THSD4: variants seen among roughly 807,000 people sequenced by gnomAD.
THSD4 encodes thrombospondin type 1 domain containing 4.
In THSD4, 69 loss-of-function variants were observed where a neutral mutation model predicts 119.0. That is an observed-to-expected ratio of 0.58 (90% CI 0.48 to 0.71). The LOEUF is 0.71. THSD4 is among the 30% of genes least tolerant of loss of function. The pLI is 0.00. For synonymous variants in THSD4, 524 were observed against 540.4 expected (o/e 0.97, Z 0.42); for missense variants, 1,393 against 1,391.1 (o/e 1.00, Z -0.02).
chr15:71,548,017 T>C (rs2048866166), intron 7 of THSD4, among the ~76,000 whole-genome samples: 1 of 152,114 alleles, frequency 6.6e-6, no homozygotes, highest in South Asian at 2.1e-4. Flanking sequence ...TACCCAGATG[T>C]ACCTTAGCAG....
At chr15:71,235,221 A>G (rs564365604) in intron 4 of THSD4, among the ~76,000 whole-genome samples, 25 of 152,306 alleles carry the variant, frequency 1.6e-4, no homozygotes, top group Admixed American at 7.8e-4. Flanking sequence ...CCTCAGATGC[A>G]GCATCCTCAC....
intron 7 of THSD4, among the ~76,000 whole-genome samples, chr15:71,494,841 T>TA (rs2047985759): frequency 1.3e-5 from 2 of 152,148 alleles, no homozygotes; most frequent in Non-Finnish European, 1.5e-5. Context: ...GCAGGAGAAA[T>TA]AAAATACCCT....
At chr15:71,528,316 C>A (rs1466990378) in intron 7 of THSD4, among the ~76,000 whole-genome samples, 1 of 152,026 alleles carries the variant, frequency 6.6e-6, no homozygotes, top group Non-Finnish European at 1.5e-5. Context: ...GAGTCATGGC[C>A]CTTAAGAACA....
At chr15:71,308,185 A>G (rs542561668) in intron 6 of THSD4, among the ~76,000 whole-genome samples, 3 of 152,340 alleles carry the variant, frequency 2.0e-5, no homozygotes, top group East Asian at 3.9e-4. Context: ...CCAAGGACCC[A>G]GAGGTTACCT....
At chr15:71,686,286 A>G (rs16956073) in intron 8 of THSD4, among the ~76,000 whole-genome samples, 30,391 of 152,160 alleles carry the variant, frequency 0.2, 3,621 homozygotes, top group African/African-American at 0.34. Context: ...TGAGATTTAC[A>G]TGCTTAACTG....
At chr15:71,746,336 A>G (rs993438056) in intron 12 of THSD4, among the ~76,000 whole-genome samples, 1 of 152,180 alleles carries the variant, frequency 6.6e-6, no homozygotes, top group African/African-American at 2.4e-5. Flanking sequence ...GTCAAGTGTC[A>G]GGCAAATTTA....
At position 71,604,230 on chromosome 15, in the gene THSD4, G is replaced by T. The variant is rs117550954; in HGVS notation, c.1153-56300G>T. Among the ~76,000 whole-genome samples, 1,063 of 152,320 alleles carry T rather than the reference G, an allele frequency of 7.0e-3. 10 individuals are homozygous for T. The highest frequency in any genetic ancestry group is 0.024 in the Middle Eastern group (7 of 294). ...CTGCCCAGACCCTCAGCCCAGACAG[G>T]TGCAGCCTTTTTCTTCCTCCCACTT... On this transcript the variant is annotated intron_variant, in intron 7 of 17. Coordinates refer to ENST00000261862, the MANE Select transcript of THSD4 (RefSeq NM_024817.3).
intron 7 of THSD4, among the ~76,000 whole-genome samples, chr15:71,569,215 G>A (rs1054421318): frequency 6.6e-6 from 1 of 152,188 alleles, no homozygotes; most frequent in Non-Finnish European, 1.5e-5. Flanking sequence ...ATGGATGTGA[G>A]TGCTGACCCA....
At chr15:71,440,356 G>A (rs1284175554) in intron 7 of THSD4, among the ~76,000 whole-genome samples, 1 of 152,018 alleles carries the variant, frequency 6.6e-6, no homozygotes, top group Admixed American at 6.6e-5. Context: ...GTTTCTAAAG[G>A]CCTAATTTAA....
intron 7 of THSD4, among the ~76,000 whole-genome samples, chr15:71,595,119 C>A (rs1269575963): frequency 6.6e-6 from 1 of 152,202 alleles, no homozygotes; most frequent in Non-Finnish European, 1.5e-5. Flanking sequence ...ATGAGCTTCT[C>A]TCTTTAATCA....
At chr15:71,300,141 C>A (rs1250426686) in intron 6 of THSD4, among the ~76,000 whole-genome samples, 1 of 150,984 alleles carries the variant, frequency 6.6e-6, no homozygotes, top group African/African-American at 2.4e-5. Flanking sequence ...AGAGCAAGAC[C>A]TTGTCTCTTA....
chr15:71,128,958 G>A (rs545966677), intron 1 of THSD4, among the ~76,000 whole-genome samples: 2 of 152,280 alleles, frequency 1.3e-5, no homozygotes, highest in Admixed American at 1.3e-4. Flanking sequence ...TCTGGATGAT[G>A]GTTTAGATGA....
chr15:71,571,325 C>A (rs926261258), intron 7 of THSD4, among the ~76,000 whole-genome samples: 1 of 151,982 alleles, frequency 6.6e-6, no homozygotes, highest in African/African-American at 2.4e-5. Context: ...GGGTAGAATG[C>A]CGCATGCTCG....
chr15:71,239,268 C>T (rs2044131966), intron 4 of THSD4, among the ~76,000 whole-genome samples: 1 of 152,154 alleles, frequency 6.6e-6, no homozygotes, highest in Admixed American at 6.5e-5. Flanking sequence ...TAGGGTGCAA[C>T]ATTTAAGAAG....
intron 6 of THSD4, among the ~76,000 whole-genome samples, chr15:71,323,124 G>A (rs540618286): frequency 6.2e-5 from 9 of 144,204 alleles, no homozygotes; most frequent in African/African-American, 1.8e-4. Flanking sequence ...AAAAAAGATC[G>A]TAGTCTTCTA....
chr15:71,118,596 A>G (rs990637678), intron 1 of THSD4, among the ~76,000 whole-genome samples: 3 of 136,178 alleles, frequency 2.2e-5, no homozygotes, highest in Admixed American at 7.1e-5. Context: ...AAAGCACATG[A>G]CTATTTGCCT....
At chr15:71,726,962 C>CT (rs2052853154) in intron 8 of THSD4, among the ~76,000 whole-genome samples, 1 of 151,684 alleles carries the variant, frequency 6.6e-6, no homozygotes, top group South Asian at 2.1e-4. Flanking sequence ...GGTACCTTCT[C>CT]TAAACCAGTC....
chr15:71,105,937 G>T (rs2040272693), intron 1 of THSD4, among the ~76,000 whole-genome samples: 1 of 152,172 alleles, frequency 6.6e-6, no homozygotes, highest in Admixed American at 6.5e-5. Flanking sequence ...TGATTGGGAA[G>T]ATGATAGCTC....
chr15:71,676,203 C>T (rs2051645314), intron 8 of THSD4, among the ~76,000 whole-genome samples: 1 of 152,092 alleles, frequency 6.6e-6, no homozygotes, highest in African/African-American at 2.4e-5. Flanking sequence ...TATATATAAA[C>T]ATAACATTTA....
Sources: allele counts gnomAD v4.1 joint callset (sites outside exome capture counted in the v4.1 genomes callset), GRCh38; gene constraint gnomAD v4.1.1; transcripts MANE v1.5; gene names NCBI Gene and HGNC (gene_info 2026-07-23, HGNC 2026-07-21).